GPRASP1: variants seen among roughly 807,000 people sequenced by gnomAD.
GPRASP1 encodes G protein-coupled receptor-associated sorting protein 1.
GPRASP1 carries 28 observed loss-of-function variants against 68.4 expected under a neutral mutation model. That is an observed-to-expected ratio of 0.41 (90% CI 0.30 to 0.56). The LOEUF (loss-of-function observed/expected upper bound fraction) is 0.56. Ranked by LOEUF, GPRASP1 falls within the 20% of genes least tolerant of loss-of-function variation. GPRASP1 has a pLI of 0.29. For missense variants in GPRASP1, 913 were observed against 1,031.5 expected (o/e 0.89, Z 1.57); for synonymous variants, 304 against 358.2 (o/e 0.85, Z 1.71).
At position 102,656,972 on chromosome X, in the gene GPRASP1, C is replaced by T. The variant is rs1180410125; in HGVS notation, c.3059C>T (p.Pro1020Leu). The change falls in exon 6 of 6, where the codon CCC becomes CTC. Residue 1020 changes from proline (P) to leucine (L), a missense_variant. Pro to Leu is a moderately conservative substitution (Grantham distance 98, BLOSUM62 -3). Coordinates refer to ENST00000537097, the MANE Select transcript of GPRASP1 (RefSeq NM_001184727.2). ...GCCCATTTTGAATCAAATCCTAGCC[C>T]CGTGTTCAGGGCCATTTGCAGGTCC... ...DEAHFESNPS[P>L]VFRAICRSTC... The T allele has an allele frequency of 2.5e-6, 3 of 1,211,291 alleles. No homozygotes were observed. Among genetic ancestry groups the T allele is most frequent in the East Asian group, 3.0e-5 (1 of 33,811 alleles).
Position 102,656,644 on chromosome X carries a change from T to C in GPRASP1, c.2731T>C (p.Phe911Leu). 1 of 1,210,881 alleles carries C rather than the reference T, an allele frequency of 8.3e-7. No individual in the cohort carries two copies. Among genetic ancestry groups the C allele is most frequent in the Non-Finnish European group, 1.1e-6 (1 of 894,899 alleles). Residue 911 changes from phenylalanine to leucine, a missense_variant, in exon 6 of 6, where the codon TTC becomes CTC. By Grantham distance (22) the Phe-to-Leu change is conservative (BLOSUM62 0). Transcript: ENST00000537097. ...TEEETIFGSW[F>L]WDGKEVSEEA... is the part of the protein sequence containing the mutation. Reference sequence around the variant, plus strand: ...AGAGGAAACCATTTTTGGGTCCTGGTTCTGGGATGGAAAAGAAGTCAGTGA... The same window carrying C: ...AGAGGAAACCATTTTTGGGTCCTGGCTCTGGGATGGAAAAGAAGTCAGTGA...
Position 102,655,051 on chromosome X carries a change from A to T in GPRASP1, c.1138A>T (p.Met380Leu), listed in dbSNP as rs763848396. ...MIKKEARARA[M>L]TKEEAKTKAR... The stretch of plus-strand genomic sequence containing the variant: ...CAAGAAAGAGGCCAGGGCCAGAGCA[A>T]TGACAAAGGAAGAGGCCAAAACCAA... Residue 380 changes from methionine to leucine, a missense_variant, in exon 6 of 6, where the codon ATG becomes TTG. Physicochemically the swap from Met to Leu is conservative, Grantham distance 15. Coordinates refer to ENST00000537097, the MANE Select transcript of GPRASP1 (RefSeq NM_001184727.2). 6.6e-6 allele frequency: 8 copies of T among 1,211,861 alleles called. No individual in the cohort carries two copies. The South Asian group carries it at 1.4e-4, about 21-fold the overall frequency.
In GPRASP1 at chrX:102,657,424, A is replaced by T. The variant is rs780860688; in HGVS notation, c.3511A>T (p.Ile1171Phe). 8.3e-7 allele frequency: 1 copy of T among 1,211,532 alleles called. No individual in the cohort carries two copies. The highest frequency in any genetic ancestry group is 1.1e-6 in the Non-Finnish European group (1 of 895,207). Residue 1171 changes from isoleucine (I) to phenylalanine (F), a missense_variant, in exon 6 of 6, where the codon ATT becomes TTT. Coordinates refer to ENST00000537097, the MANE Select transcript of GPRASP1 (RefSeq NM_001184727.2). ...AATGGAAAAAATTCGGGATCCTTTT[A>T]TTCATGAAATATCTAAAATCGCAAT... ...LLMEKIRDPFIHEISKIAMGM... is the reference protein window; with the variant it reads ...LLMEKIRDPFFHEISKIAMGM...
rs1330620998 is a variant in GPRASP1 at position 102,659,010 on chromosome X, T to C, written c.*909T>C. ...GCCCTGACATTTTTGATATTTCATATAATAGAGAACACTGGTGTCATACAT... is the reference window on the plus strand; with the variant it reads ...GCCCTGACATTTTTGATATTTCATACAATAGAGAACACTGGTGTCATACAT... On this transcript the variant is annotated 3_prime_UTR_variant, in exon 6 of 6. Coordinates refer to ENST00000537097, the MANE Select transcript of GPRASP1 (RefSeq NM_001184727.2). 8.1e-6 allele frequency: 1 copy of C among 123,024 alleles called. No homozygotes were observed. Among genetic ancestry groups the C allele is most frequent in the Non-Finnish European group, 1.9e-5 (1 of 53,254 alleles). 10.1% of individuals were successfully genotyped at this position (123,024 alleles called of 1,213,427 possible).
In GPRASP1 at chrX:102,654,523, T is replaced by A; in HGVS notation, c.610T>A (p.Trp204Arg). The change falls in exon 6 of 6, where the codon TGG (tryptophan) becomes AGG (arginine). Residue 204 changes from tryptophan (W) to arginine (R), a missense_variant. Trp to Arg is a moderately radical substitution (Grantham distance 101, BLOSUM62 -3). Coordinates refer to ENST00000537097, the MANE Select transcript of GPRASP1 (RefSeq NM_001184727.2). Reference protein sequence around the residue: ...WVDKSVSSLFWSGDEVTAKFH... With the variant: ...WVDKSVSSLFRSGDEVTAKFH... Reference sequence around the variant, plus strand: ...AGACAAATCTGTGAGTTCCTTGTTCTGGAGTGGAGATGAGGTCACTGCAAA... The same window carrying A: ...AGACAAATCTGTGAGTTCCTTGTTCAGGAGTGGAGATGAGGTCACTGCAAA... 1.7e-6 allele frequency: 2 copies of A among 1,210,933 alleles called. No individual in the cohort carries two copies. Among genetic ancestry groups the A allele is most frequent in the Non-Finnish European group, 2.2e-6 (2 of 894,626 alleles).
chrX:102,658,160 A>G lies in GPRASP1; in HGVS notation c.*59A>G, dbSNP rs926743601. 1.8e-6 allele frequency: 1 copy of G among 557,621 alleles called. No homozygotes were observed. Among genetic ancestry groups the G allele is most frequent in the African/African-American group, 2.3e-5 (1 of 43,023 alleles). 46.0% of individuals were successfully genotyped at this position (557,621 alleles called of 1,213,427 possible). On this transcript the variant is annotated 3_prime_UTR_variant, in exon 6 of 6. Transcript: ENST00000537097. ...TGTTCCTGAGTTATGATCCTTGAGT[A>G]ATGCTTTGATTTTAATAGTTGGTTC...
Position 102,655,130 on chromosome X carries a change from G to A in GPRASP1, c.1217G>A (p.Gly406Glu). The A allele has an allele frequency of 8.3e-7, 1 of 1,211,845 alleles. No individual in the cohort carries two copies. The highest frequency in any genetic ancestry group is 1.1e-6 in the Non-Finnish European group (1 of 895,440). Reference sequence around the variant, plus strand: ...AGGTCAGAGGAGGAAGCCCTCATTGGGACCTGGTTCTGGGCTACAGACGAG... The same window carrying A: ...AGGTCAGAGGAGGAAGCCCTCATTGAGACCTGGTTCTGGGCTACAGACGAG... ...EARSEEEALI[G>E]TWFWATDESS... Residue 406 changes from glycine (G) to glutamate (E), a missense_variant, in exon 6 of 6, where the codon GGG becomes GAG. Gly to Glu is a moderately conservative substitution (Grantham distance 98). Transcript: ENST00000537097.
In GPRASP1 at chrX:102,653,629, C is replaced by G; in HGVS notation, c.-285C>G. ...TGGTGGTGGGGTTGCTGCTGACAACCACCCTCAACGGGTCTGCACCCATCC... is the reference window on the plus strand; with the variant it reads ...TGGTGGTGGGGTTGCTGCTGACAACGACCCTCAACGGGTCTGCACCCATCC... On this transcript the variant is annotated 5_prime_UTR_variant, in exon 6 of 6. Coordinates refer to ENST00000537097, the MANE Select transcript of GPRASP1 (RefSeq NM_001184727.2). 3.8e-6 allele frequency: 1 copy of G among 265,245 alleles called. No individual in the cohort carries two copies. Among genetic ancestry groups the G allele is most frequent in the East Asian group, 5.9e-5 (1 of 16,891 alleles). The allele number at this position is 265,245 out of a possible 1,213,427, so 21.9% of individuals were successfully genotyped here.
rs2081379512 is a variant in GPRASP1, at chrX:102,653,835, A to G, written c.-79A>G. 2.5e-6 allele frequency: 2 copies of G among 815,789 alleles called. No individual in the cohort carries two copies. The highest frequency in any genetic ancestry group is 3.6e-6 in the Non-Finnish European group (2 of 561,841). 67.2% of individuals were successfully genotyped at this position (815,789 alleles called of 1,213,427 possible). A position where few individuals can be genotyped will look rare whatever the true frequency, so the allele number is the denominator to read the frequency against. On this transcript the variant is annotated 5_prime_UTR_variant, in exon 6 of 6. Transcript: ENST00000537097. ...CACCTAAAGATCAGAGTGTGAAGAA[A>G]CAAACCTGTGACAGATCTGTGGTTG... is the stretch of plus-strand genomic sequence containing the variant.
chrX:102,655,412 C>T lies in GPRASP1; in HGVS notation c.1499C>T (p.Ser500Phe). ...AADDEQVIIGSWFWAGEEVNQ... is the reference protein window; with the variant it reads ...AADDEQVIIGFWFWAGEEVNQ... ...GATGATGAACAGGTCATTATTGGTT[C>T]CTGGTTCTGGGCTGGTGAAGAGGTC... The change falls in exon 6 of 6, where the codon TCC (serine) becomes TTC (phenylalanine). Residue 500 changes from serine to phenylalanine, a missense_variant. Coordinates refer to ENST00000537097, the MANE Select transcript of GPRASP1 (RefSeq NM_001184727.2). The T allele has an allele frequency of 1.7e-6, 2 of 1,211,662 alleles. No individual in the cohort carries two copies. Among genetic ancestry groups the T allele is most frequent in the Non-Finnish European group, 2.2e-6 (2 of 895,482 alleles).
chrX:102,657,880 A>G lies in GPRASP1; in HGVS notation c.3967A>G (p.Ile1323Val). 1 of 1,183,788 alleles carries G rather than the reference A, an allele frequency of 8.4e-7. No individual in the cohort carries two copies. Among genetic ancestry groups the G allele is most frequent in the East Asian group, 3.0e-5 (1 of 33,659 alleles). ...LLSAEAVSEF[I>V]GLFNREETND... Reference sequence around the variant, plus strand: ...CAGTGCTGAAGCAGTGTCAGAATTTATAGGCCTCTTTAACAGGGAAGAGAC... The same window carrying G: ...CAGTGCTGAAGCAGTGTCAGAATTTGTAGGCCTCTTTAACAGGGAAGAGAC... Residue 1323 changes from isoleucine (I) to valine (V), a missense_variant, in exon 6 of 6, where the codon ATA becomes GTA. Transcript: ENST00000537097.
In GPRASP1 at chrX:102,654,280, A is replaced by G; in HGVS notation, c.367A>G (p.Ser123Gly). 1 of 1,210,536 alleles carries G rather than the reference A, an allele frequency of 8.3e-7. No homozygotes were observed. The highest frequency in any genetic ancestry group is 1.1e-6 in the Non-Finnish European group (1 of 894,070). Residue 123 changes from serine (S) to glycine (G), a missense_variant, in exon 6 of 6, where the codon AGT becomes GGT. Ser to Gly is a moderately conservative substitution (Grantham distance 56, BLOSUM62 0). Transcript: ENST00000537097. ...QTNIIASPLVSTDSVLVAKTK... is the reference protein window; with the variant it reads ...QTNIIASPLVGTDSVLVAKTK... The stretch of plus-strand genomic sequence containing the variant: ...CAATATCATAGCCTCTCCACTTGTC[A>G]GTACTGATTCTGTCTTGGTTGCTAA...
chrX:102,652,600 T>C (rs2081365763), intron 3 of GPRASP1, among the ~76,000 whole-genome samples: 2 of 113,171 alleles, frequency 1.8e-5, no homozygotes, highest in Non-Finnish European at 3.8e-5. Context: ...ATCCTCAGAA[T>C]TGGAGAAGGG....
chrX:102,655,046 G>T lies in GPRASP1; in HGVS notation c.1133G>T (p.Arg378Ile). 1.7e-6 allele frequency: 2 copies of T among 1,211,790 alleles called. No individual in the cohort carries two copies. Residue 378 changes from arginine (R) to isoleucine (I), a missense_variant, in exon 6 of 6, where the codon AGA (arginine) becomes ATA (isoleucine). Arg to Ile is a moderately conservative substitution (Grantham distance 97). Transcript: ENST00000537097. ...RPMIKKEARARAMTKEEAKTK... is the reference protein window; with the variant it reads ...RPMIKKEARAIAMTKEEAKTK... ...ATGATCAAGAAAGAGGCCAGGGCCA[G>T]AGCAATGACAAAGGAAGAGGCCAAA...
chrX:102,654,857 C>G lies in GPRASP1; in HGVS notation c.944C>G (p.Ala315Gly), dbSNP rs17339512. The change falls in exon 6 of 6, where the codon GCC (alanine) becomes GGC (glycine). Residue 315 changes from alanine (A) to glycine (G), a missense_variant. Ala to Gly is a moderately conservative substitution (Grantham distance 60, BLOSUM62 0). Transcript: ENST00000537097. ...LESWFGAGKE[A>G]KFRSKMRAGK... ...TCCTGGTTTGGGGCTGGAAAGGAGG[C>G]CAAATTCAGGTCCAAAATGAGAGCT... 0.054 allele frequency: 65,400 copies of G among 1,209,164 alleles called. 1,391 individuals carry two copies. The highest frequency in any genetic ancestry group is 0.095 in the Middle Eastern group (414 of 4,348).
chrX:102,656,346 T>C lies in GPRASP1; in HGVS notation c.2433T>C (p.Val811=). ...TAGCAGCTGAGAAAGAAGGTATTGT[T>C]GGGTCCTGGTTTGGGGCCAGAGAAG... ...DRLAAEKEGI[V]GSWFGAREET... is the part of the protein sequence containing the mutation. The change falls in exon 6 of 6, where the codon GTT becomes GTC. Residue 811 remains valine (V), a synonymous_variant. Transcript: ENST00000537097. 8.4e-7 allele frequency: 1 copy of C among 1,195,742 alleles called. No individual in the cohort carries two copies. The highest frequency in any genetic ancestry group is 1.1e-6 in the Non-Finnish European group (1 of 888,570).
chrX:102,657,852 ACTC>A lies in GPRASP1; in HGVS notation c.3940_3942del (p.Leu1314del). The A allele has an allele frequency of 8.4e-7, 1 of 1,185,572 alleles. No homozygotes were observed. Among genetic ancestry groups the A allele is most frequent in the Non-Finnish European group, 1.1e-6 (1 of 871,938 alleles). On this transcript the variant is annotated inframe_deletion, in exon 6 of 6. Coordinates refer to ENST00000537097, the MANE Select transcript of GPRASP1 (RefSeq NM_001184727.2). ...AAAATCTTTTCATGACAAAAGAACT[ACTC>A]AGTGCTGAAGCAGTGTCAGAATTTA...
chrX:102,656,284 C>A lies in GPRASP1; in HGVS notation c.2371C>A (p.Leu791Ile). Reference sequence around the variant, plus strand: ...GTTCTGGGCTGGAGAAGAGGACAGACTAGAGCCAGCTGCTGAGACTAGAGA... The same window carrying A: ...GTTCTGGGCTGGAGAAGAGGACAGAATAGAGCCAGCTGCTGAGACTAGAGA... ...SWFWAGEEDR[L>I]EPAAETREED... Residue 791 changes from leucine (L) to isoleucine (I), a missense_variant, in exon 6 of 6, where the codon CTA becomes ATA. By Grantham distance (5) the Leu-to-Ile change is conservative (BLOSUM62 2). Transcript: ENST00000537097. 2 of 1,202,842 alleles carry A rather than the reference C, an allele frequency of 1.7e-6. No individual in the cohort carries two copies. The highest frequency in any genetic ancestry group is 1.1e-6 in the Non-Finnish European group (1 of 891,999).
Position 102,658,233 on chromosome X carries a change from C to CT in GPRASP1, c.*133dup. On this transcript the variant is annotated 3_prime_UTR_variant, in exon 6 of 6. Transcript: ENST00000537097. The stretch of plus-strand genomic sequence containing the variant: ...GTGCTGACACTAACTTTGTCCAACT[C>CT]TGTCTGTAAGCTGGAGCATTTTTCT... 2.4e-6 allele frequency: 1 copy of CT among 414,717 alleles called. No individual in the cohort carries two copies. Among genetic ancestry groups the CT allele is most frequent in the Non-Finnish European group, 4.3e-6 (1 of 235,005 alleles). The allele number at this position is 414,717 out of a possible 1,213,427, so 34.2% of individuals were successfully genotyped here.
Sources: gnomAD v4.1 joint callset for allele counts (sites outside exome capture counted in the v4.1 genomes callset) on GRCh38, gnomAD v4.1.1 for gene constraint, MANE v1.5 for transcripts, NCBI Gene and HGNC (gene_info 2026-07-23, HGNC 2026-07-21) for gene names.